The following KLHL2 variants were observed in gnomAD, a reference collection of about 807,000 sequenced individuals.
KLHL2 encodes the protein kelch-like protein 2.
KLHL2 carries 15 observed loss-of-function variants against 75.8 expected under a neutral mutation model. The observed-to-expected ratio is 0.20, with a 90% CI of 0.13 to 0.30. KLHL2 has a LOEUF of 0.30. Among genes scored for constraint, KLHL2 ranks in the 10% least tolerant of loss-of-function variants. The pLI is 1.00. For missense variants in KLHL2, 381 were observed against 741.0 expected (o/e 0.51, Z 5.64); for synonymous variants, 214 against 251.9 (o/e 0.85, Z 1.42).
At position 165,295,405 on chromosome 4, in the gene KLHL2, A is replaced by T. The variant is rs566294793; in HGVS notation, c.654+937A>T. Reference sequence around the variant, plus strand: ...TATAATCTTAGCATCCTAGAAATACAGAGGAAGATGACATTACTTTCACAC... The same window carrying T: ...TATAATCTTAGCATCCTAGAAATACTGAGGAAGATGACATTACTTTCACAC... On this transcript the variant is annotated intron_variant, in intron 6 of 14. Coordinates refer to ENST00000226725, the MANE Select transcript of KLHL2 (RefSeq NM_007246.4). 5.3e-5 allele frequency among the ~76,000 whole-genome samples: 8 copies of T among 152,372 alleles called. No homozygotes were observed. The East Asian group carries it at 1.3e-3, about 26-fold the overall frequency.
chr4:165,224,088 A>G (rs1195972554), intron 2 of KLHL2: 2 of 234,170 alleles, frequency 8.5e-6, no homozygotes, highest in Admixed American at 5.5e-5. Flanking sequence ...CTAATTTTTT[A>G]TATTTTTAGT....
intron 8 of KLHL2, among the ~76,000 whole-genome samples, chr4:165,301,165 C>G (rs767415121): frequency 1.4e-4 from 21 of 152,202 alleles, no homozygotes; most frequent in Non-Finnish European, 2.5e-4. Context: ...ATTATCTAAG[C>G]CAAAATAAGT....
At chr4:165,307,232 T>C (rs892031692) in intron 9 of KLHL2, among the ~76,000 whole-genome samples, 1 of 152,092 alleles carries the variant, frequency 6.6e-6, no homozygotes, top group Non-Finnish European at 1.5e-5. Context: ...CGCTTGAACC[T>C]GGGAGGCGGA....
At chr4:165,250,254 C>T (rs761008680) in intron 4 of KLHL2, among the ~76,000 whole-genome samples, 2 of 152,186 alleles carry the variant, frequency 1.3e-5, no homozygotes, top group Admixed American at 6.5e-5. Context: ...AGTGGATGAC[C>T]ATGCTTCATT....
At chr4:165,258,367 C>T (rs1244441252) in intron 4 of KLHL2, among the ~76,000 whole-genome samples, 1 of 141,188 alleles carries the variant, frequency 7.1e-6, no homozygotes. Flanking sequence ...ATCCAAGGTA[C>T]TGCATGATGG....
intron 5 of KLHL2, among the ~76,000 whole-genome samples, chr4:165,276,139 A>G (rs1447316419): frequency 1.3e-5 from 2 of 152,124 alleles, no homozygotes; most frequent in African/African-American, 4.8e-5. Context: ...AATAACAACA[A>G]CAAAAAAGAA....
intron 5 of KLHL2, among the ~76,000 whole-genome samples, chr4:165,272,050 C>G (rs1481795242): frequency 6.6e-6 from 1 of 152,050 alleles, no homozygotes; most frequent in African/African-American, 2.4e-5. Flanking sequence ...AATAATGGTT[C>G]AAAGTGGTTA....
rs1330051910 is a variant in KLHL2, at chr4:165,317,959, A to G, written c.1743A>G (p.Arg581=). ...TVVSSCMSTG[R]SYAGVTVIDK... is the part of the protein sequence containing the mutation. ...TGTCATCGTGTATGAGCACAGGGAG[A>G]AGTTATGCAGGTAACAGTTGTCTCT... is the stretch of plus-strand genomic sequence containing the variant. Residue 581 remains arginine, a synonymous_variant, in exon 14 of 15, where the codon AGA becomes AGG. Coordinates refer to ENST00000226725, the MANE Select transcript of KLHL2 (RefSeq NM_007246.4). 1 of 1,613,814 alleles carries G rather than the reference A, an allele frequency of 6.2e-7. No individual in the cohort carries two copies. Among genetic ancestry groups the G allele is most frequent in the Admixed American group, 1.7e-5 (1 of 59,920 alleles).
At chr4:165,227,805 T>C (rs1175689863) in intron 2 of KLHL2, among the ~76,000 whole-genome samples, 1 of 152,204 alleles carries the variant, frequency 6.6e-6, no homozygotes, top group Non-Finnish European at 1.5e-5. Context: ...TCAAAAATGC[T>C]CACCACATGT....
At chr4:165,266,520 T>C (rs1239401920) in intron 5 of KLHL2, among the ~76,000 whole-genome samples, 1 of 152,224 alleles carries the variant, frequency 6.6e-6, no homozygotes, top group African/African-American at 2.4e-5. Context: ...AGGGATCCAG[T>C]TTCAGCTTTC....
At chr4:165,237,376 C>T (rs1302755596) in intron 3 of KLHL2, among the ~76,000 whole-genome samples, 1 of 148,954 alleles carries the variant, frequency 6.7e-6, no homozygotes, top group African/African-American at 2.5e-5. Flanking sequence ...GTACATCTTT[C>T]TCATTAACTC....
chr4:165,264,438 G>T (rs1170516133), intron 5 of KLHL2, among the ~76,000 whole-genome samples: 2 of 151,364 alleles, frequency 1.3e-5, no homozygotes, highest in African/African-American at 2.4e-5. Flanking sequence ...CATACTGATA[G>T]CTTAGCTCCC....
chr4:165,254,261 TGTTA>T (rs906820806), intron 4 of KLHL2, among the ~76,000 whole-genome samples: 2 of 152,214 alleles, frequency 1.3e-5, no homozygotes, highest in African/African-American at 4.8e-5. Context: ...ACTTTAGAAA[TGTTA>T]GTTATTTTTA....
intron 5 of KLHL2, among the ~76,000 whole-genome samples, chr4:165,289,714 T>C (rs1282846430): frequency 6.6e-6 from 1 of 152,194 alleles, no homozygotes; most frequent in East Asian, 1.9e-4. Context: ...TCTACATTTA[T>C]GTAATTGCTG....
At position 165,322,522 on chromosome 4, in the gene KLHL2, C is replaced by T. The variant is rs1747060686; in HGVS notation, c.*462C>T. ...AAGTATACAAACTAGTTGAGGGATA[C>T]ACTGTTTGCTTTTATAAAATAACTT... is the stretch of plus-strand genomic sequence containing the variant. On this transcript the variant is annotated 3_prime_UTR_variant, in exon 15 of 15. Coordinates refer to ENST00000226725, the MANE Select transcript of KLHL2 (RefSeq NM_007246.4). 1 of 153,004 alleles carries T rather than the reference C, an allele frequency of 6.5e-6. No individual in the cohort carries two copies. The highest frequency in any genetic ancestry group is 2.4e-5 in the African/African-American group (1 of 41,448). 9.5% of individuals were successfully genotyped at this position (153,004 alleles called of 1,614,324 possible).
chr4:165,254,016 C>G (rs1740956829), intron 4 of KLHL2, among the ~76,000 whole-genome samples: 1 of 152,220 alleles, frequency 6.6e-6, no homozygotes, highest in Non-Finnish European at 1.5e-5. Flanking sequence ...AGGAGCCAAG[C>G]TGTCATTAAA....
At chr4:165,321,419 C>T in intron 14 of KLHL2, 1 of 400,846 alleles carries the variant, frequency 2.5e-6, no homozygotes, top group South Asian at 1.9e-5. Flanking sequence ...AATAACATTT[C>T]CTTTTCTGTA....
intron 1 of KLHL2, among the ~76,000 whole-genome samples, chr4:165,209,003 C>T (rs550762069): frequency 1.8e-4 from 27 of 152,288 alleles, no homozygotes; most frequent in African/African-American, 6.0e-4. Flanking sequence ...TTTAGGAGAG[C>T]TAATGGGATT....
chr4:165,312,664 C>T (rs1746296008), intron 11 of KLHL2, among the ~76,000 whole-genome samples: 1 of 152,176 alleles, frequency 6.6e-6, no homozygotes, highest in Non-Finnish European at 1.5e-5. Flanking sequence ...CTTACCCAAC[C>T]TTCAGCAACT....
Sources: gnomAD v4.1 joint callset for allele counts (sites outside exome capture counted in the v4.1 genomes callset) on GRCh38, gnomAD v4.1.1 for gene constraint, MANE v1.5 for transcripts, NCBI Gene and HGNC (gene_info 2026-07-23, HGNC 2026-07-21) for gene names.